The following TEX11 variants were observed in gnomAD, a reference collection of about 807,000 sequenced individuals.
The protein encoded by TEX11 is testis-expressed protein 11.
TEX11 carries 7 observed loss-of-function variants against 84.4 expected under a neutral mutation model. The observed-to-expected ratio is 0.08, with a 90% confidence interval of 0.05 to 0.16. TEX11 has a LOEUF of 0.16. Among genes scored for constraint, TEX11 ranks in the 10% least tolerant of loss-of-function variants. The probability of loss-of-function intolerance (pLI) is 1.00; values close to 1 mark genes in which losing one functional copy is unlikely to be tolerated. For synonymous variants in TEX11, 264 were observed against 222.8 expected (o/e 1.18, Z -1.64); for missense variants, 551 against 660.5 (o/e 0.83, Z 1.82).
rs749224200 is a variant in TEX11, at chrX:70,729,755, A to G, written c.844-4412T>C. On this transcript the variant is annotated intron_variant, in intron 11 of 29. Transcript: ENST00000374333. ...ACTCTGCAGGATACTATCCAGGAGAACTTCCCCAATCTAGCAAGGCAGGCC... is the reference window on the plus strand; with the variant it reads ...ACTCTGCAGGATACTATCCAGGAGAGCTTCCCCAATCTAGCAAGGCAGGCC... Among the ~76,000 whole-genome samples the G allele has an allele frequency of 3.6e-5, 4 of 111,954 alleles. No individual in the cohort carries two copies. The East Asian group carries it at 8.3e-4, about 23-fold the overall frequency.
intron 13 of TEX11, among the ~76,000 whole-genome samples, chrX:70,704,546 C>CAA (rs1445972564): frequency 3.6e-5 from 4 of 111,578 alleles, no homozygotes; most frequent in African/African-American, 1.3e-4. Context: ...TCATTCTTTA[C>CAA]TGTTCAAGTA....
chrX:70,543,581 A>G (rs1289945635), intron 28 of TEX11, among the ~76,000 whole-genome samples: 1 of 112,622 alleles, frequency 8.9e-6, no homozygotes, highest in Non-Finnish European at 1.9e-5. Flanking sequence ...AGAAGACAGT[A>G]AAATAAATAA....
intron 9 of TEX11, among the ~76,000 whole-genome samples, chrX:70,751,943 TA>T (rs1172739602): frequency 4.4e-5 from 5 of 112,371 alleles, no homozygotes; most frequent in Non-Finnish European, 7.5e-5. Context: ...AGCAACTGTG[TA>T]AAAAAATTCT....
chrX:70,767,110 C>T (rs1014101587), intron 9 of TEX11, among the ~76,000 whole-genome samples: 1 of 111,537 alleles, frequency 9.0e-6, no homozygotes, highest in Non-Finnish European at 1.9e-5. Flanking sequence ...CAAAAATGGA[C>T]AACTGGGATC....
intron 9 of TEX11, among the ~76,000 whole-genome samples, chrX:70,791,220 A>G (rs773471748): frequency 8.9e-6 from 1 of 112,039 alleles, no homozygotes; most frequent in South Asian, 3.7e-4. Context: ...CACTATTCTT[A>G]TATCAGATAA....
intron 10 of TEX11, among the ~76,000 whole-genome samples, chrX:70,743,464 CAT>C (rs1186741847): frequency 8.9e-6 from 1 of 112,132 alleles, no homozygotes; most frequent in African/African-American, 3.2e-5. Flanking sequence ...TTTTACATCA[CAT>C]TTATTTACAC....
At chrX:70,584,418 A>G (rs545801510) in intron 25 of TEX11, among the ~76,000 whole-genome samples, 1 of 112,559 alleles carries the variant, frequency 8.9e-6, no homozygotes, top group South Asian at 3.6e-4. Context: ...AAACCTCCCA[A>G]TAAACAGAAG....
At chrX:70,674,863 C>T (rs188317866) in intron 15 of TEX11, among the ~76,000 whole-genome samples, 45 of 109,375 alleles carry the variant, frequency 4.1e-4, no homozygotes, top group Non-Finnish European at 6.7e-4. Context: ...TCTATTTGTG[C>T]CATCTTTTTT....
chrX:70,565,492 G>T (rs1004453176), intron 25 of TEX11, among the ~76,000 whole-genome samples: 2 of 110,693 alleles, frequency 1.8e-5, no homozygotes, highest in African/African-American at 6.6e-5. Context: ...CCTATGTCCT[G>T]AATGGTAATG....
At chrX:70,732,672 A>G (rs139683568) in intron 11 of TEX11, among the ~76,000 whole-genome samples, 1,956 of 111,480 alleles carry the variant, frequency 0.018, 19 homozygotes, top group Non-Finnish European at 0.027. Flanking sequence ...AAATGGAAGA[A>G]CATTCCATGC....
At chrX:70,539,984 T>C (rs1272910144) in intron 28 of TEX11, among the ~76,000 whole-genome samples, 2 of 111,695 alleles carry the variant, frequency 1.8e-5, no homozygotes, top group African/African-American at 6.5e-5. Flanking sequence ...ATGATGGAGG[T>C]CAAGTTAGAA....
intron 25 of TEX11, among the ~76,000 whole-genome samples, chrX:70,578,357 T>C (rs2088708239): frequency 8.9e-6 from 1 of 112,282 alleles, no homozygotes; most frequent in Admixed American, 9.5e-5. Context: ...GATTATCTAG[T>C]CACTTATCTA....
At chrX:70,815,859 T>C (rs998909018) in intron 8 of TEX11, among the ~76,000 whole-genome samples, 2 of 112,229 alleles carry the variant, frequency 1.8e-5, no homozygotes, top group African/African-American at 6.5e-5. Context: ...TTGGTTTTGA[T>C]TTTTTAGGAC....
chrX:70,560,311 C>T (rs921302500), intron 25 of TEX11, among the ~76,000 whole-genome samples: 9 of 109,608 alleles, frequency 8.2e-5, no homozygotes, highest in South Asian at 4.0e-4. Context: ...CCACCACGCC[C>T]GCTTAATTTT....
chrX:70,715,333 C>T (rs987368721), intron 13 of TEX11, among the ~76,000 whole-genome samples: 7 of 111,585 alleles, frequency 6.3e-5, no homozygotes, highest in East Asian at 5.6e-4. Context: ...AATCTGAATG[C>T]TGGCCTGCCT....
intron 16 of TEX11, among the ~76,000 whole-genome samples, chrX:70,667,149 T>C (rs2089982958): frequency 8.9e-6 from 1 of 112,256 alleles, no homozygotes; most frequent in Non-Finnish European, 1.9e-5. Flanking sequence ...CAAATTTCAG[T>C]ATTCCAAAAC....
chrX:70,841,245 G>A (rs1213391911), intron 7 of TEX11, among the ~76,000 whole-genome samples: 1 of 110,232 alleles, frequency 9.1e-6, no homozygotes, highest in Non-Finnish European at 1.9e-5. Flanking sequence ...GCACTCCTCA[G>A]CAAATGTAAA....
intron 16 of TEX11, among the ~76,000 whole-genome samples, chrX:70,658,961 G>C (rs372951553): frequency 3.6e-5 from 4 of 112,065 alleles, no homozygotes; most frequent in African/African-American, 1.3e-4. Flanking sequence ...ATGGGAAAAG[G>C]ACAGTCTTTT....
At chrX:70,843,937 G>GC (rs1449447524) in intron 7 of TEX11, among the ~76,000 whole-genome samples, 1 of 111,268 alleles carries the variant, frequency 9.0e-6, no homozygotes, top group African/African-American at 3.3e-5. Flanking sequence ...AGTTAGAATG[G>GC]CATCATTAAA....
Sources: allele counts gnomAD v4.1 joint callset (sites outside exome capture counted in the v4.1 genomes callset), GRCh38; gene constraint gnomAD v4.1.1; transcripts MANE v1.5; gene names NCBI Gene and HGNC (gene_info 2026-07-23, HGNC 2026-07-21).